TVP23C: variants seen among roughly 807,000 people sequenced by gnomAD.
TVP23C encodes the protein trans-golgi network vesicle protein 23 homolog C, also known as Golgi apparatus membrane protein TVP23 homolog C.
Under a neutral mutation model 28.7 loss-of-function variants are expected in TVP23C, and 19 were observed. That is an observed-to-expected ratio of 0.66 (90% CI 0.46 to 0.97). The LOEUF (loss-of-function observed/expected upper bound fraction) is 0.97. Ranked by LOEUF, TVP23C falls within the 50% of genes least tolerant of loss-of-function variation. The pLI is 0.00. For synonymous variants in TVP23C, 68 were observed against 81.7 expected, an observed-to-expected ratio of 0.83 and a Z score of 0.90; for missense variants, 186 against 241.3, an observed-to-expected ratio of 0.77 and a Z score of 1.52.
chr17:15,545,992 A>G (rs1457410027), intron 4 of TVP23C, 76 bp from the exon 5 acceptor site: 2 of 1,551,994 alleles, frequency 1.3e-6, no homozygotes, highest in Non-Finnish European at 1.7e-6. Flanking sequence ...AATAAAAAAC[A>G]TATTACCCAC....
chr17:15,545,520 T>C (rs1983605448), intron 5 of TVP23C, among the ~76,000 whole-genome samples: 1 of 152,306 alleles, frequency 6.6e-6, no homozygotes, highest in East Asian at 1.9e-4. Context: ...TAGGCAGCAA[T>C]AGGTAACCAA....
chr17:15,555,628 G>C (rs185929072), intron 1 of TVP23C, among the ~76,000 whole-genome samples: 1 of 152,288 alleles, frequency 6.6e-6, no homozygotes, highest in Non-Finnish European at 1.5e-5. Context: ...CTGGGGTGCA[G>C]ATGAGGCTAC....
In TVP23C at chr17:15,557,019, C is replaced by G. The variant is rs1031222213; in HGVS notation, c.13-1655G>C. On this transcript the variant is annotated intron_variant, in intron 1 of 5. Transcript: ENST00000518321. ...TGTTACTACATGGTCTCTAAGAACA[C>G]TACGGTCTCTCTCCCATCTCCTGCC... Among the ~76,000 whole-genome samples the G allele has an allele frequency of 9.3e-5, 14 of 149,980 alleles. 2 individuals are homozygous for G. In the Admixed American group the frequency reaches 9.4e-4, roughly 10 times the overall value.
chr17:15,527,532 G>A lies in TVP23C; in HGVS notation c.462+18253C>T, dbSNP rs147179691. Among the ~76,000 whole-genome samples, 926 of 152,186 alleles carry A rather than the reference G, an allele frequency of 6.1e-3. 16 individuals are homozygous for A. Among genetic ancestry groups the A allele is most frequent in the African/African-American group, 0.021 (873 of 41,490 alleles). On this transcript the variant is annotated intron_variant, in intron 5 of 5. Coordinates refer to the TVP23C transcript ENST00000225576. ...GCAATTCGGTTTTCCATCTGAGCAAGTTACCATTATCGAGTGCTTACTGTG... is the reference window on the plus strand; with the variant it reads ...GCAATTCGGTTTTCCATCTGAGCAAATTACCATTATCGAGTGCTTACTGTG...
intron 5 of TVP23C, among the ~76,000 whole-genome samples, chr17:15,506,403 G>T (rs1388470882): frequency 6.6e-6 from 1 of 152,024 alleles, no homozygotes; most frequent in Non-Finnish European, 1.5e-5. Flanking sequence ...CTCTGGTGGG[G>T]CCTTGGAGAA....
Position 15,539,065 on chromosome 17 carries a change from C to T in TVP23C, c.*1347G>A, listed in dbSNP as rs1983287705. On this transcript the variant is annotated 3_prime_UTR_variant, in exon 6 of 6. Coordinates refer to ENST00000518321, the MANE Select transcript of TVP23C (RefSeq NM_001135036.2). ...ATCTTAAGTAAATAATTTAATTTCT[C>T]GGGGCTTTAGTTATCTAAAATGTAA... 3 of 984,498 alleles carry T rather than the reference C, an allele frequency of 3.0e-6. No homozygotes were observed. Among genetic ancestry groups the T allele is most frequent in the Non-Finnish European group, 3.6e-6 (3 of 829,242 alleles). 61.0% of individuals were successfully genotyped at this position (984,498 alleles called of 1,614,324 possible). A position where few individuals can be genotyped will look rare whatever the true frequency, so the allele number is the denominator to read the frequency against.
chr17:15,539,091 T>TC lies in TVP23C; in HGVS notation c.*1320dup. Reference sequence around the variant, plus strand: ...GGGGCTTTAGTTATCTAAAATGTAATCCCTGGACCAGTGCCCTCAGTACCA... The same window carrying TC: ...GGGGCTTTAGTTATCTAAAATGTAATCCCCTGGACCAGTGCCCTCAGTACCA... On this transcript the variant is annotated 3_prime_UTR_variant, in exon 6 of 6. Coordinates refer to ENST00000518321, the MANE Select transcript of TVP23C (RefSeq NM_001135036.2). 1.0e-6 allele frequency: 1 copy of TC among 981,462 alleles called. No homozygotes were observed. The highest frequency in any genetic ancestry group is 1.2e-6 in the Non-Finnish European group (1 of 826,358). The allele number at this position is 981,462 out of a possible 1,614,324, so 60.8% of individuals were successfully genotyped here. A position where few individuals can be genotyped will look rare whatever the true frequency, so the allele number is the denominator to read the frequency against.
chr17:15,536,815 C>A (rs1274533049), downstream of TVP23C, among the ~76,000 whole-genome samples: 1 of 150,742 alleles, frequency 6.6e-6, no homozygotes, highest in Non-Finnish European at 1.5e-5. Context: ...GCATTTAGAG[C>A]AAATATTTTC....
intron 3 of TVP23C, among the ~76,000 whole-genome samples, chr17:15,547,511 C>A (rs1423812617): frequency 1.3e-5 from 2 of 152,222 alleles, no homozygotes; most frequent in Non-Finnish European, 2.9e-5. Flanking sequence ...TATTTTACAA[C>A]TACATATCCC....
chr17:15,550,671 T>C (rs1230124816), intron 3 of TVP23C, among the ~76,000 whole-genome samples: 1 of 152,234 alleles, frequency 6.6e-6, no homozygotes, highest in African/African-American at 2.4e-5. Context: ...CTGTGAATGA[T>C]CTTCACTGTG....
downstream of TVP23C, among the ~76,000 whole-genome samples, chr17:15,533,026 G>A (rs1983009480): frequency 6.6e-6 from 1 of 152,208 alleles, no homozygotes; most frequent in African/African-American, 2.4e-5. Context: ...CTCCAACTAA[G>A]AGGGCCTAAG....
rs1004777079 is a variant in TVP23C at position 15,540,559 on chromosome 17, C to T, written c.465G>A (p.Ala155=). ...ALFSFTVKWL[A]VVIMGVVLQG... is the part of the protein sequence containing the mutation. The stretch of plus-strand genomic sequence containing the variant: ...GTAGCACCACACCCATAATAACCAC[C>T]GCCTGGGACAAGGGAAAAAAATAAT... The change falls in exon 6 of 6, where the codon GCG becomes GCA. Residue 155 remains alanine, a splice_region_variant and synonymous_variant. Transcript: ENST00000518321. 1.2e-5 allele frequency: 19 copies of T among 1,612,972 alleles called. No individual in the cohort carries two copies. Among genetic ancestry groups the T allele is most frequent in the African/African-American group, 5.3e-5 (4 of 74,880 alleles).
chr17:15,560,630 A>G (rs1471121571), intron 1 of TVP23C, among the ~76,000 whole-genome samples: 2 of 148,962 alleles, frequency 1.3e-5, no homozygotes, highest in African/African-American at 4.9e-5. Flanking sequence ...ATCTCGGCTC[A>G]CTGCAAGCTC....
At chr17:15,511,399 T>G (rs1337852758) in intron 5 of TVP23C, among the ~76,000 whole-genome samples, 3 of 152,206 alleles carry the variant, frequency 2.0e-5, no homozygotes, top group African/African-American at 7.2e-5. Flanking sequence ...GCATCAATTT[T>G]GCCCCACTGG....
chr17:15,505,228 G>C (rs1981670203), intron 5 of TVP23C, among the ~76,000 whole-genome samples: 1 of 152,170 alleles, frequency 6.6e-6, no homozygotes, highest in Admixed American at 6.5e-5. Flanking sequence ...TCAGTGTTTA[G>C]AAAATATCCA....
chr17:15,507,446 A>T, intron 5 of TVP23C: 1 of 484,924 alleles, frequency 2.1e-6, no homozygotes, highest in East Asian at 3.9e-5. Context: ...CTATCCTGTC[A>T]TCTTTGTGTT....
rs1462029913 is a variant in TVP23C, at chr17:15,540,038, A to G, written c.*374T>C. ...AACCCGGGGGGCAGAGGTTGCAGTG[A>G]GCCGAGATTGCACCACTGCACTCCA... On this transcript the variant is annotated 3_prime_UTR_variant, in exon 6 of 6. Transcript: ENST00000518321. The G allele has an allele frequency of 7.0e-6, 7 of 1,003,266 alleles. No homozygotes were observed. The East Asian group carries it at 6.6e-4, about 94-fold the overall frequency. 62.1% of individuals were successfully genotyped at this position (1,003,266 alleles called of 1,614,324 possible).
chr17:15,505,704 G>C (rs1408042593), intron 5 of TVP23C, among the ~76,000 whole-genome samples: 1 of 152,234 alleles, frequency 6.6e-6, no homozygotes, highest in Non-Finnish European at 1.5e-5. Flanking sequence ...GAGGGAGAGG[G>C]GCGAGCGGGA....
chr17:15,509,718 G>C (rs1476431796), intron 5 of TVP23C, among the ~76,000 whole-genome samples: 1 of 152,096 alleles, frequency 6.6e-6, no homozygotes, highest in Admixed American at 6.5e-5. Context: ...CAGAGCAAGG[G>C]AAAAATACAG....
Sources: allele counts gnomAD v4.1 joint callset (sites outside exome capture counted in the v4.1 genomes callset), GRCh38; gene constraint gnomAD v4.1.1; transcripts MANE v1.5; gene names NCBI Gene and HGNC (gene_info 2026-07-23, HGNC 2026-07-21).